The following ATAD1 variants were observed in gnomAD, a reference collection of about 807,000 sequenced individuals.
ATAD1 encodes ATPase family AAA domain containing 1, also known as outer mitochondrial transmembrane helix translocase.
ATAD1 carries 18 observed loss-of-function variants against 42.7 expected under a neutral mutation model. The observed-to-expected ratio is 0.42, with a 90% confidence interval of 0.29 to 0.63. The LOEUF (loss-of-function observed/expected upper bound fraction) is 0.63. Ranked by LOEUF, ATAD1 falls within the 20% of genes least tolerant of loss-of-function variation. The probability of loss-of-function intolerance (pLI) is 0.19; values close to 1 mark genes in which losing one functional copy is unlikely to be tolerated. For missense variants in ATAD1, 294 were observed against 440.4 expected, an observed-to-expected ratio of 0.67 and a Z score of 2.98; for synonymous variants, 132 against 143.1, an observed-to-expected ratio of 0.92 and a Z score of 0.55.
intron 2 of ATAD1, among the ~76,000 whole-genome samples, chr10:87,798,345 T>C (rs1462738912): frequency 6.6e-6 from 1 of 152,204 alleles, no homozygotes; most frequent in Non-Finnish European, 1.5e-5. Flanking sequence ...GTAGGTTTTA[T>C]GGCACCACTA....
At chr10:87,791,030 C>CAAAAAAAAAAAAAAAAAAA (rs34722647) in intron 3 of ATAD1, among the ~76,000 whole-genome samples, 3 of 66,276 alleles carry the variant, frequency 4.5e-5, no homozygotes, top group East Asian at 4.5e-4. Context: ...ACTAAAATTA[C>CAAAAAAAAAAAAAAAAAAA]AAAAAAAAAA....
chr10:87,807,490 G>T (rs1856980943), intron 2 of ATAD1, among the ~76,000 whole-genome samples: 1 of 152,108 alleles, frequency 6.6e-6, no homozygotes, highest in South Asian at 2.1e-4. Flanking sequence ...ACCTGGCAGG[G>T]GTGAAAAGGT....
intron 1 of ATAD1, among the ~76,000 whole-genome samples, chr10:87,817,494 G>A (rs1315920583): frequency 6.6e-6 from 1 of 152,170 alleles, no homozygotes; most frequent in Non-Finnish European, 1.5e-5. Context: ...CCGTGAAATC[G>A]TACTACCTCA....
chr10:87,795,577 T>C (rs984740683), intron 2 of ATAD1, among the ~76,000 whole-genome samples: 1 of 152,086 alleles, frequency 6.6e-6, no homozygotes, highest in Non-Finnish European at 1.5e-5. Context: ...ACTTACTTTT[T>C]ACTGTATACC....
chr10:87,776,921 C>T (rs1270400230), intron 5 of ATAD1, among the ~76,000 whole-genome samples: 1 of 151,682 alleles, frequency 6.6e-6, no homozygotes, highest in Non-Finnish European at 1.5e-5. Context: ...TAAATATGTG[C>T]AATTATTATG....
chr10:87,826,582 C>G (rs1857733975), intron 1 of ATAD1, among the ~76,000 whole-genome samples: 1 of 152,226 alleles, frequency 6.6e-6, no homozygotes. Context: ...AGAATTCTGT[C>G]CAGATATTCT....
chr10:87,789,310 A>G (rs1855981891), intron 4 of ATAD1, among the ~76,000 whole-genome samples: 1 of 152,240 alleles, frequency 6.6e-6, no homozygotes, highest in African/African-American at 2.4e-5. Context: ...CTAGATGAAA[A>G]TAAGCTATCT....
intron 5 of ATAD1, among the ~76,000 whole-genome samples, chr10:87,779,110 C>G (rs1855451902): frequency 6.6e-6 from 1 of 151,786 alleles, no homozygotes; most frequent in East Asian, 1.9e-4. Flanking sequence ...ACCAGCCTGA[C>G]CAACATGGTG....
chr10:87,779,189 T>C (rs1271971404), intron 5 of ATAD1, among the ~76,000 whole-genome samples: 1 of 152,158 alleles, frequency 6.6e-6, no homozygotes, highest in Non-Finnish European at 1.5e-5. Context: ...TCCCAGCTAC[T>C]TGGGAGGCTG....
intron 2 of ATAD1, among the ~76,000 whole-genome samples, chr10:87,812,658 A>G (rs1200999751): frequency 6.6e-6 from 1 of 152,242 alleles, no homozygotes; most frequent in Non-Finnish European, 1.5e-5. Context: ...ATCCCATTTC[A>G]TCCTGAGTGT....
At chr10:87,830,080 A>C (rs192770690) in intron 1 of ATAD1, among the ~76,000 whole-genome samples, 2 of 152,342 alleles carry the variant, frequency 1.3e-5, no homozygotes, top group Admixed American at 1.3e-4. Flanking sequence ...ACTGGGCCTA[A>C]AGAAAAATCA....
chr10:87,803,434 C>G (rs907006245), intron 2 of ATAD1, among the ~76,000 whole-genome samples: 1 of 152,250 alleles, frequency 6.6e-6, no homozygotes, highest in African/African-American at 2.4e-5. Context: ...GCCTTCCATT[C>G]TATTCAAAGT....
At chr10:87,814,654 C>T (rs1211225162) in intron 1 of ATAD1, 42 bp from the exon 2 acceptor site, 23 of 1,379,222 alleles carry the variant, frequency 1.7e-5, no homozygotes, top group Middle Eastern at 3.7e-4. Flanking sequence ...AATAACTATA[C>T]TTATTAAAAT....
chr10:87,781,543 T>C (rs540264450), intron 5 of ATAD1, among the ~76,000 whole-genome samples: 3 of 152,194 alleles, frequency 2.0e-5, no homozygotes, highest in Non-Finnish European at 2.9e-5. Context: ...ATTTCGAAGA[T>C]GTTAAAATGT....
At chr10:87,815,137 T>C (rs570446568) in intron 1 of ATAD1, among the ~76,000 whole-genome samples, 1 of 152,218 alleles carries the variant, frequency 6.6e-6, no homozygotes, top group East Asian at 1.9e-4. Flanking sequence ...AAACATGCCA[T>C]TTCCTCAGTA....
chr10:87,814,843 T>C, intron 1 of ATAD1: 1 of 273,350 alleles, frequency 3.7e-6, no homozygotes, highest in Non-Finnish European at 6.8e-6. Flanking sequence ...AAATTAAGAT[T>C]TATTTGGTAG....
At chr10:87,785,764 C>G (rs1232627561) in intron 4 of ATAD1, among the ~76,000 whole-genome samples, 11 of 151,514 alleles carry the variant, frequency 7.3e-5, no homozygotes, top group Admixed American at 7.2e-4. Context: ...GATTCCATAA[C>G]TCTAGCAATT....
chr10:87,770,678 A>G (rs138365866), intron 7 of ATAD1, among the ~76,000 whole-genome samples: 1 of 152,342 alleles, frequency 6.6e-6, no homozygotes, highest in African/African-American at 2.4e-5. Flanking sequence ...TCCTGTATAG[A>G]TGACTTCCTA....
At chr10:87,833,914 C>T (rs1857883571) in intron 1 of ATAD1, among the ~76,000 whole-genome samples, 1 of 151,874 alleles carries the variant, frequency 6.6e-6, no homozygotes, top group African/African-American at 2.4e-5. Flanking sequence ...TAGGGTTTCA[C>T]CATGTTTGCC....
Sources: allele counts gnomAD v4.1 joint callset (sites outside exome capture counted in the v4.1 genomes callset), GRCh38; gene constraint gnomAD v4.1.1; transcripts MANE v1.5; gene names NCBI Gene and HGNC (gene_info 2026-07-23, HGNC 2026-07-21).